The following MYT1L variants were observed in gnomAD, a reference collection of about 807,000 sequenced individuals.
MYT1L encodes the protein myelin transcription factor 1 like.
In MYT1L, 12 loss-of-function variants were observed where a neutral mutation model predicts 126.7. The ratio of observed to expected loss-of-function variants is 0.09; its 90% confidence interval spans 0.06 to 0.15. The LOEUF is 0.15. MYT1L is among the 10% of genes least tolerant of loss of function. MYT1L has a pLI of 1.00. For synonymous variants in MYT1L, 541 were observed against 604.2 expected (o/e 0.90, Z 1.53); for missense variants, 979 against 1,585.2 (o/e 0.62, Z 6.49).
chr2:2,079,292 A>T (rs2150303066), intron 3 of MYT1L, among the ~76,000 whole-genome samples: 1 of 152,348 alleles, frequency 6.6e-6, no homozygotes, highest in East Asian at 1.9e-4. Context: ...TTAACAAAAG[A>T]AGTTCAAGAC....
chr2:2,003,007 T>C (rs1289389898), intron 4 of MYT1L, among the ~76,000 whole-genome samples: 1 of 152,146 alleles, frequency 6.6e-6, no homozygotes, highest in Non-Finnish European at 1.5e-5. Flanking sequence ...CTTTATAAAT[T>C]AGTCTCCAGT....
intron 2 of MYT1L, among the ~76,000 whole-genome samples, chr2:2,174,071 T>A (rs1359493237): frequency 2.0e-5 from 3 of 152,052 alleles, no homozygotes; most frequent in African/African-American, 7.2e-5. Context: ...AAGAACAAAA[T>A]AATGCCAAAA....
At chr2:2,129,820 G>A (rs557891220) in intron 3 of MYT1L, among the ~76,000 whole-genome samples, 8 of 151,922 alleles carry the variant, frequency 5.3e-5, no homozygotes, top group African/African-American at 1.7e-4. Context: ...GCAGGAGAAT[G>A]GCGTGAACCC....
chr2:1,791,753 A>T lies in MYT1L; in HGVS notation c.*114T>A, dbSNP rs974642181. The T allele has an allele frequency of 9.3e-6, 10 of 1,076,466 alleles. No individual in the cohort carries two copies. The highest frequency in any genetic ancestry group is 3.7e-5 in the South Asian group (2 of 54,380). 66.7% of individuals were successfully genotyped at this position (1,076,466 alleles called of 1,614,324 possible). Reference sequence around the variant, plus strand: ...AATCATTATGAAGTCTTGTAAGCATAACACTGTTTCAAATTCAAACAGAAA... The same window carrying T: ...AATCATTATGAAGTCTTGTAAGCATTACACTGTTTCAAATTCAAACAGAAA... On this transcript the variant is annotated 3_prime_UTR_variant, in exon 25 of 25. Coordinates refer to ENST00000647738, the MANE Select transcript of MYT1L (RefSeq NM_001303052.2). The surrounding 1 kb of genome is among the most constrained non-coding windows in gnomAD (Gnocchi z 6.0).
At chr2:2,079,817 A>AC (rs968279155) in intron 3 of MYT1L, among the ~76,000 whole-genome samples, 2 of 152,160 alleles carry the variant, frequency 1.3e-5, no homozygotes, top group African/African-American at 4.8e-5. Flanking sequence ...GTCTCAAAAA[A>AC]AAAAAAGAAA....
At chr2:1,862,674 G>A (rs1037240994) in intron 18 of MYT1L, among the ~76,000 whole-genome samples, 1 of 152,202 alleles carries the variant, frequency 6.6e-6, no homozygotes, top group South Asian at 2.1e-4. Context: ...AAATTACACT[G>A]TCCTCTGCTT....
At chr2:2,177,322 T>C (rs546029044) in intron 2 of MYT1L, among the ~76,000 whole-genome samples, 23 of 152,246 alleles carry the variant, frequency 1.5e-4, no homozygotes, top group Non-Finnish European at 2.6e-4. Context: ...ATATTGTGTA[T>C]AATCAAAACT....
intron 2 of MYT1L, among the ~76,000 whole-genome samples, chr2:2,174,014 AATT>A (rs943329595): frequency 3.3e-5 from 5 of 152,202 alleles, no homozygotes; most frequent in African/African-American, 9.6e-5. Context: ...CAACCATAAC[AATT>A]ATTATTATTT....
At chr2:2,058,180 A>G (rs139607608) in intron 3 of MYT1L, among the ~76,000 whole-genome samples, 1 of 152,324 alleles carries the variant, frequency 6.6e-6, no homozygotes, top group African/African-American at 2.4e-5. Flanking sequence ...CATTTGCCTA[A>G]TAGTTGATGG....
Position 1,806,799 on chromosome 2 carries a change from C to T in MYT1L, c.3172+2277G>A, listed in dbSNP as rs951287327. ...TTTGAACTGGCCTACCTAACCTAAC[C>T]GCCACTTCCTTCATTAATGGGGAAC... On this transcript the variant is annotated intron_variant, in intron 22 of 24. Coordinates refer to ENST00000647738, the MANE Select transcript of MYT1L (RefSeq NM_001303052.2). The surrounding 1 kb of genome is among the most constrained non-coding windows in gnomAD (Gnocchi z 4.9). Among the ~76,000 whole-genome samples the T allele has an allele frequency of 7.2e-5, 11 of 152,152 alleles. No homozygotes were observed. Among genetic ancestry groups the T allele is most frequent in the African/African-American group, 1.7e-4 (7 of 41,436 alleles).
chr2:2,309,059 A>G lies in MYT1L; in HGVS notation c.-521+21908T>C, dbSNP rs180905557. Among the ~76,000 whole-genome samples, 156 of 151,226 alleles carry G rather than the reference A, an allele frequency of 1.0e-3. No homozygotes were observed. The Middle Eastern group carries it at 0.01, about 10-fold the overall frequency. ...TACATTCTATGTAGACCTCACCTAC[A>G]CATTACTTTTCTCTACCTGTACTCC... On this transcript the variant is annotated intron_variant, in intron 1 of 24. Coordinates refer to ENST00000647738, the MANE Select transcript of MYT1L (RefSeq NM_001303052.2).
chr2:2,188,671 C>G (rs2092377820), intron 2 of MYT1L, among the ~76,000 whole-genome samples: 2 of 151,710 alleles, frequency 1.3e-5, no homozygotes, highest in African/African-American at 2.4e-5. Flanking sequence ...CCTTTTTTGC[C>G]CAGGCTTTAG....
At chr2:2,094,929 G>C (rs1257294566) in intron 3 of MYT1L, among the ~76,000 whole-genome samples, 1 of 152,138 alleles carries the variant, frequency 6.6e-6, no homozygotes, top group African/African-American at 2.4e-5. Flanking sequence ...ATAAAAAAAA[G>C]ATTATCAGAA....
chr2:2,256,323 A>G (rs1477221718), intron 2 of MYT1L, among the ~76,000 whole-genome samples: 1 of 152,270 alleles, frequency 6.6e-6, no homozygotes, highest in Non-Finnish European at 1.5e-5. Context: ...CTTTCTTAGG[A>G]AAGTGAATAA....
Position 1,801,611 on chromosome 2 carries a change from T to G in MYT1L, c.3276+85A>C, listed in dbSNP as rs2034878283. On this transcript the variant is annotated intron_variant, in intron 23 of 24. Coordinates refer to ENST00000647738, the MANE Select transcript of MYT1L (RefSeq NM_001303052.2). This position sits in a 1 kb window ranked among gnomAD's most constrained non-coding sequence, Gnocchi z 4.2. Reference sequence around the variant, plus strand: ...AGAGCAAATAAGAGGAAACGACAGCTCTCCTAAAAGCTGATTTCATGCCAT... The same window carrying G: ...AGAGCAAATAAGAGGAAACGACAGCGCTCCTAAAAGCTGATTTCATGCCAT... The G allele has an allele frequency of 2.5e-6, 2 of 806,398 alleles. No homozygotes were observed. Among genetic ancestry groups the G allele is most frequent in the Admixed American group, 4.8e-5 (2 of 41,796 alleles). The allele number at this position is 806,398 out of a possible 1,614,324, so 50.0% of individuals were successfully genotyped here. A position where few individuals can be genotyped will look rare whatever the true frequency, so the allele number is the denominator to read the frequency against.
intron 4 of MYT1L, among the ~76,000 whole-genome samples, chr2:2,006,088 CTTCTTTCCTGCATGAG>C (rs1159177739): frequency 2.0e-5 from 3 of 150,692 alleles, no homozygotes; most frequent in Non-Finnish European, 4.4e-5. Context: ...TCCTGCATGC[CTTCTTTCCTGCATGAG>C]TTCTTTCCTC....
chr2:2,069,593 G>C (rs767428310), intron 3 of MYT1L, among the ~76,000 whole-genome samples: 5 of 152,028 alleles, frequency 3.3e-5, no homozygotes, highest in African/African-American at 4.8e-5. Flanking sequence ...ACTCAATAAT[G>C]GGATTGTTGG....
intron 8 of MYT1L, among the ~76,000 whole-genome samples, chr2:1,959,745 G>A (rs566020003): frequency 2.0e-5 from 3 of 152,278 alleles, no homozygotes; most frequent in Admixed American, 6.5e-5. Flanking sequence ...AGATAGAGAT[G>A]CTGCACATTC....
chr2:1,893,129 C>T (rs1275129791), intron 14 of MYT1L, among the ~76,000 whole-genome samples: 1 of 152,150 alleles, frequency 6.6e-6, no homozygotes. Context: ...TTCTGAGCCA[C>T]CACACTCACT....
Sources: gnomAD v4.1 joint callset for allele counts (sites outside exome capture counted in the v4.1 genomes callset) on GRCh38, gnomAD v4.1.1 for gene constraint, Gnocchi (gnomAD v3.1) non-coding constraint, MANE v1.5 for transcripts, NCBI Gene and HGNC (gene_info 2026-07-23, HGNC 2026-07-21) for gene names.